Variants in CSMD3 observed in about 807,000 individuals in gnomAD.
The protein encoded by CSMD3 is CUB and sushi domain-containing protein 3.
A neutral mutation model predicts 435.2 loss-of-function variants in CSMD3; 177 were observed. The ratio of observed to expected loss-of-function variants is 0.41; its 90% CI spans 0.36 to 0.46. The LOEUF is 0.46. CSMD3 is among the 20% of genes least tolerant of loss of function. The pLI is 0.34. For missense variants in CSMD3, 4,265 were observed against 4,504.6 expected (o/e 0.95, Z 1.52); for synonymous variants, 1,656 against 1,520.5 (o/e 1.09, Z -2.07).
At chr8:112,458,032 A>T (rs979685321) in intron 32 of CSMD3, among the ~76,000 whole-genome samples, 1 of 152,128 alleles carries the variant, frequency 6.6e-6, no homozygotes, top group African/African-American at 2.4e-5. Flanking sequence ...TTGCATTTTC[A>T]GTAAATACAT....
At chr8:112,901,358 C>T (rs573773219) in intron 10 of CSMD3, among the ~76,000 whole-genome samples, 4 of 151,190 alleles carry the variant, frequency 2.6e-5, no homozygotes, top group South Asian at 4.2e-4. Flanking sequence ...GTGCTTTGGC[C>T]CTTTTTGGAA....
At chr8:113,411,407 A>G (rs2094559338) in intron 1 of CSMD3, among the ~76,000 whole-genome samples, 1 of 152,194 alleles carries the variant, frequency 6.6e-6, no homozygotes. Context: ...GTTCCCGTTC[A>G]AACAACTGGA....
intron 30 of CSMD3, among the ~76,000 whole-genome samples, chr8:112,503,275 C>T (rs1822166145): frequency 6.6e-6 from 1 of 152,106 alleles, no homozygotes; most frequent in Non-Finnish European, 1.5e-5. Flanking sequence ...TAGAAATCTG[C>T]TCTCACTATG....
Position 112,289,417 on chromosome 8 carries a change from T to G in CSMD3, c.9096A>C (p.Ser3032=), listed in dbSNP as rs1229373567. 1.9e-6 allele frequency: 3 copies of G among 1,613,478 alleles called. 1 individual carries two copies. In the Admixed American group the frequency reaches 5.0e-5, roughly 27 times the overall value. ...TGKRSLLGQS[S]RTCQLNGHWS... is the part of the protein sequence containing the mutation. ...AATGGCCATTCAATTGGCAGGTTCTTGATGACTGGCCTAAAAGGGAACGCT... is the reference window on the plus strand; with the variant it reads ...AATGGCCATTCAATTGGCAGGTTCTGGATGACTGGCCTAAAAGGGAACGCT... Residue 3032 remains serine, a synonymous_variant, in exon 57 of 71, where the codon TCA becomes TCC. Transcript: ENST00000297405.
At chr8:112,606,517 T>C (rs904332857) in intron 22 of CSMD3, among the ~76,000 whole-genome samples, 1 of 152,142 alleles carries the variant, frequency 6.6e-6, no homozygotes, top group Admixed American at 6.6e-5. Flanking sequence ...AAAGAAACAC[T>C]GTACTTGAAC....
chr8:113,223,746 GTGTT>G (rs1402104464), intron 3 of CSMD3, among the ~76,000 whole-genome samples: 1 of 122,912 alleles, frequency 8.1e-6, no homozygotes, highest in Non-Finnish European at 1.7e-5. Context: ...TAAGCTGTGT[GTGTT>G]TATGTGTGTG....
Position 113,393,128 on chromosome 8 carries a change from C to T in CSMD3, c.178+43549G>A, listed in dbSNP as rs560583005. Among the ~76,000 whole-genome samples, 180 of 152,144 alleles carry T rather than the reference C, an allele frequency of 1.2e-3. 1 individual carries two copies. The highest frequency in any genetic ancestry group is 4.1e-3 in the African/African-American group (171 of 41,526). On this transcript the variant is annotated intron_variant, in intron 1 of 70. Coordinates refer to ENST00000297405, the MANE Select transcript of CSMD3 (RefSeq NM_198123.2). Reference sequence around the variant, plus strand: ...ATAAGCATGCTTCAAAACTACTCCTCTTTCCTTTCCATCTAGAGTGAGAAA... The same window carrying T: ...ATAAGCATGCTTCAAAACTACTCCTTTTTCCTTTCCATCTAGAGTGAGAAA...
intron 9 of CSMD3, among the ~76,000 whole-genome samples, chr8:112,939,654 T>C (rs1159606347): frequency 6.6e-6 from 1 of 152,006 alleles, no homozygotes; most frequent in Non-Finnish European, 1.5e-5. Flanking sequence ...AAAATAAATA[T>C]TCAACTCTCA....
intron 10 of CSMD3, among the ~76,000 whole-genome samples, chr8:112,913,346 C>T (rs2082481786): frequency 6.6e-6 from 1 of 151,802 alleles, no homozygotes; most frequent in Non-Finnish European, 1.5e-5. Context: ...GCTCCTATGA[C>T]AATCTAATGC....
At chr8:113,011,952 CTA>C (rs2131131263) in intron 6 of CSMD3, among the ~76,000 whole-genome samples, 1 of 151,718 alleles carries the variant, frequency 6.6e-6, no homozygotes, top group South Asian at 2.1e-4. Flanking sequence ...AAATAATTTT[CTA>C]TGTTTTTGCT....
At chr8:112,414,805 G>T (rs73328610) in intron 32 of CSMD3, among the ~76,000 whole-genome samples, 8,193 of 152,206 alleles carry the variant, frequency 0.054, 256 homozygotes, top group East Asian at 0.12. Flanking sequence ...TGAGAAACTT[G>T]TTGAGAACTA....
intron 52 of CSMD3, 70 bp downstream of exon 52, chr8:112,304,651 A>G: frequency 8.8e-7 from 1 of 1,137,006 alleles, no homozygotes; most frequent in Non-Finnish European, 1.3e-6. Flanking sequence ...TGTTTATGAA[A>G]GGAACTGATT....
chr8:113,271,076 G>T (rs1401634060), intron 3 of CSMD3, among the ~76,000 whole-genome samples: 1 of 152,024 alleles, frequency 6.6e-6, no homozygotes, highest in African/African-American at 2.4e-5. Context: ...TCTGGTAGAA[G>T]AAATTTCTAA....
chr8:113,234,996 T>C (rs893316713), intron 3 of CSMD3, among the ~76,000 whole-genome samples: 2 of 152,028 alleles, frequency 1.3e-5, no homozygotes, highest in Non-Finnish European at 2.9e-5. Flanking sequence ...AGAGAATGTA[T>C]AAATGGGGTG....
At chr8:112,657,804 C>G (rs1414032820) in intron 17 of CSMD3, among the ~76,000 whole-genome samples, 1 of 152,188 alleles carries the variant, frequency 6.6e-6, no homozygotes, top group Non-Finnish European at 1.5e-5. Flanking sequence ...AGCAAGACCT[C>G]TTCTGTCCTC....
intron 10 of CSMD3, among the ~76,000 whole-genome samples, chr8:112,918,875 C>T (rs1222232804): frequency 2.0e-5 from 3 of 151,876 alleles, no homozygotes; most frequent in Non-Finnish European, 4.4e-5. Flanking sequence ...GTGCAGTGCA[C>T]TGATACTGCA....
intron 7 of CSMD3, among the ~76,000 whole-genome samples, chr8:112,971,234 A>T (rs1040794315): frequency 2.6e-5 from 4 of 152,170 alleles, no homozygotes; most frequent in African/African-American, 4.8e-5. Context: ...TGTACCTGCT[A>T]TCCAGTACAA....
intron 1 of CSMD3, among the ~76,000 whole-genome samples, chr8:113,377,494 C>T (rs1442292111): frequency 6.6e-6 from 1 of 152,014 alleles, no homozygotes; most frequent in Non-Finnish European, 1.5e-5. Context: ...GGGAGCTTTC[C>T]TAGGATTTTG....
intron 57 of CSMD3, among the ~76,000 whole-genome samples, chr8:112,288,032 A>G (rs79743507): frequency 4.0e-5 from 6 of 149,618 alleles, no homozygotes; most frequent in African/African-American, 1.2e-4. Context: ...GCTAGAGAGA[A>G]AGAGAGAGAG....
Sources: gnomAD v4.1 joint callset for allele counts (sites outside exome capture counted in the v4.1 genomes callset) on GRCh38, gnomAD v4.1.1 for gene constraint, MANE v1.5 for transcripts, NCBI Gene and HGNC (gene_info 2026-07-23, HGNC 2026-07-21) for gene names.